Variants in KIF5C observed in about 807,000 individuals in gnomAD.
The protein encoded by KIF5C is kinesin heavy chain isoform 5C.
In KIF5C, 18 loss-of-function variants were observed where a neutral mutation model predicts 125.2. The observed-to-expected ratio is 0.14, with a 90% CI of 0.10 to 0.21. KIF5C has a LOEUF of 0.21. Among genes scored for constraint, KIF5C ranks in the 10% least tolerant of loss-of-function variants. The pLI, the probability that KIF5C is intolerant of heterozygous loss-of-function variation, is 1.00. For synonymous variants in KIF5C, 405 were observed against 434.0 expected (o/e 0.93, Z 0.83); for missense variants, 780 against 1,183.8 (o/e 0.66, Z 5.01).
At chr2:148,976,830 C>G (rs1574806132) in intron 12 of KIF5C, among the ~76,000 whole-genome samples, 1 of 152,184 alleles carries the variant, frequency 6.6e-6, no homozygotes, top group Middle Eastern at 3.4e-3. Context: ...ATCAAGCTGC[C>G]TTGGCCTCCC....
At position 148,949,841 on chromosome 2, in the gene KIF5C, C is replaced by T; in HGVS notation, c.717C>T (p.Val239=). The change falls in exon 9 of 26, where the codon GTC becomes GTT. Residue 239 remains valine (V), a splice_region_variant and synonymous_variant. Coordinates refer to ENST00000435030, the MANE Select transcript of KIF5C (RefSeq NM_004522.3). ...CTGCTTTCTTTTCTCTCTGGTAGGT[C>T]AGCAAAACTGGTGCCGAGGGAGCTG... The part of the protein sequence containing the change: ...YLVDLAGSEK[V]SKTGAEGAVL... The T allele has an allele frequency of 1.2e-6, 2 of 1,613,582 alleles. No homozygotes were observed. Among genetic ancestry groups the T allele is most frequent in the Non-Finnish European group, 1.7e-6 (2 of 1,179,736 alleles).
rs1681205567 is a variant in KIF5C, at chr2:148,876,766, T to C, written c.126+1023T>C. ...CCTTCCCCGCCCGCTGTCCGTAGCG[T>C]GTGTGGCTGATGGTGCCCCCTTTGT... On this transcript the variant is annotated intron_variant, in intron 1 of 25. Transcript: ENST00000435030. The surrounding 1 kb of genome is among the most constrained non-coding windows in gnomAD (Gnocchi z 4.7). 1.3e-5 allele frequency among the ~76,000 whole-genome samples: 2 copies of C among 152,038 alleles called. No homozygotes were observed. The highest frequency in any genetic ancestry group is 6.5e-5 in the Admixed American group (1 of 15,286).
chr2:148,942,003 T>C lies in KIF5C; in HGVS notation c.501+13T>C, dbSNP rs1682417665. 7.5e-6 allele frequency: 12 copies of C among 1,608,508 alleles called. No individual in the cohort carries two copies. Among genetic ancestry groups the C allele is most frequent in the South Asian group, 1.1e-5 (1 of 88,606 alleles). ...CCCGTATGTAAAGGTATGAGGAAGATTTGATTGGTGATGCAATTAATTTCT... is the reference window on the plus strand; with the variant it reads ...CCCGTATGTAAAGGTATGAGGAAGACTTGATTGGTGATGCAATTAATTTCT... On this transcript the variant is annotated intron_variant, in intron 6 of 25. Coordinates refer to ENST00000435030, the MANE Select transcript of KIF5C (RefSeq NM_004522.3).
At chr2:148,895,035 A>C (rs2105050030) in intron 1 of KIF5C, among the ~76,000 whole-genome samples, 1 of 151,774 alleles carries the variant, frequency 6.6e-6, no homozygotes, top group East Asian at 1.9e-4. Context: ...GAGATGTTCT[A>C]AAGAAATTAA....
intron 10 of KIF5C, among the ~76,000 whole-genome samples, chr2:148,954,545 G>A (rs903148868): frequency 1.3e-5 from 2 of 152,124 alleles, no homozygotes; most frequent in Non-Finnish European, 2.9e-5. Context: ...GGCCCTCTGA[G>A]GGGGCAGACC....
chr2:148,916,727 A>T (rs1681568211), intron 1 of KIF5C, among the ~76,000 whole-genome samples: 2 of 152,084 alleles, frequency 1.3e-5, no homozygotes, highest in Admixed American at 1.3e-4. Flanking sequence ...ATTTGAAAAT[A>T]ATTTGGAATT....
At chr2:148,999,669 G>C (rs925127246) in intron 19 of KIF5C, among the ~76,000 whole-genome samples, 1 of 152,220 alleles carries the variant, frequency 6.6e-6, no homozygotes, top group Non-Finnish European at 1.5e-5. Context: ...TGGAAGGGAG[G>C]GGGAGGTTGG....
intron 15 of KIF5C, among the ~76,000 whole-genome samples, chr2:148,987,455 G>A (rs1476945901): frequency 2.0e-5 from 3 of 152,298 alleles, no homozygotes; most frequent in African/African-American, 7.2e-5. Context: ...AATTGCAAAA[G>A]AGAGGGGCAG....
intron 18 of KIF5C, 144 bp from the exon 19 acceptor site, chr2:148,998,256 G>C: frequency 7.4e-7 from 1 of 1,355,940 alleles, no homozygotes. Context: ...GGTCCTGGGG[G>C]CAAAACAGCC....
Position 149,015,050 on chromosome 2 carries a change from G to A in KIF5C, c.*7+3367G>A, listed in dbSNP as rs183863494. Among the ~76,000 whole-genome samples the A allele has an allele frequency of 1.2e-3, 181 of 152,212 alleles. 1 individual carries two copies. The highest frequency in any genetic ancestry group is 3.4e-3 in the Middle Eastern group (1 of 294). ...CTAAAAATAGAAAAATTAGCTGGGC[G>A]TAGACATGCACACCTGTAACCCTAG... is the stretch of plus-strand genomic sequence containing the variant. On this transcript the variant is annotated intron_variant, in intron 25 of 25. Transcript: ENST00000435030.
At chr2:148,949,504 T>G (rs1175534653) in intron 8 of KIF5C, among the ~76,000 whole-genome samples, 3 of 152,150 alleles carry the variant, frequency 2.0e-5, no homozygotes, top group African/African-American at 7.2e-5. Context: ...GGACTGCGGC[T>G]CAGTCTCCCA....
intron 1 of KIF5C, among the ~76,000 whole-genome samples, chr2:148,893,184 T>A (rs1478844738): frequency 6.6e-6 from 1 of 152,246 alleles, no homozygotes; most frequent in Non-Finnish European, 1.5e-5. Context: ...TGGCTCTTGC[T>A]TGAATTGCAG....
In KIF5C at chr2:149,009,233, G is replaced by A. The variant is rs184391116; in HGVS notation, c.2551-902G>A. ...TCTTGAACCACTGACCTCGTGATCC[G>A]CCCACCTTGACCTCCCAAAGTGCTG... On this transcript the variant is annotated intron_variant, in intron 23 of 25. Transcript: ENST00000435030. 7.9e-5 allele frequency among the ~76,000 whole-genome samples: 12 copies of A among 151,892 alleles called. No homozygotes were observed. The East Asian group carries it at 1.4e-3, about 17-fold the overall frequency.
At chr2:148,971,300 C>T (rs927693168) in intron 11 of KIF5C, among the ~76,000 whole-genome samples, 1 of 135,246 alleles carries the variant, frequency 7.4e-6, no homozygotes, top group East Asian at 1.9e-4. Context: ...GTCTATCTAT[C>T]TATCTATCTA....
intron 1 of KIF5C, among the ~76,000 whole-genome samples, chr2:148,915,959 A>T (rs1681531640): frequency 6.6e-6 from 1 of 152,180 alleles, no homozygotes; most frequent in African/African-American, 2.4e-5. Flanking sequence ...CCCAACTCTT[A>T]ATAGCCATTG....
intron 1 of KIF5C, among the ~76,000 whole-genome samples, chr2:148,917,134 T>G (rs560212906): frequency 6.6e-6 from 1 of 152,224 alleles, no homozygotes; most frequent in Non-Finnish European, 1.5e-5. Context: ...CTCTGCTTTT[T>G]TTAATTTTTT....
At position 149,000,428 on chromosome 2, in the gene KIF5C, A is replaced by G; in HGVS notation, c.2216A>G (p.Asn739Ser). ...QKIIDEIRDL[N>S]QKLQLEQEKL... ...CTTTTTCCTCTCAATTTCAGTTTGAATCAGAAACTGCAACTGGAACAGGAG... is the reference window on the plus strand; with the variant it reads ...CTTTTTCCTCTCAATTTCAGTTTGAGTCAGAAACTGCAACTGGAACAGGAG... Residue 739 changes from asparagine (N) to serine (S), a missense_variant, in exon 20 of 26, where the codon AAT becomes AGT. By Grantham distance (46) the Asn-to-Ser change is conservative (BLOSUM62 1). Transcript: ENST00000435030. 6.3e-7 allele frequency: 1 copy of G among 1,580,130 alleles called. No homozygotes were observed. The highest frequency in any genetic ancestry group is 8.6e-7 in the Non-Finnish European group (1 of 1,159,146).
In KIF5C at chr2:148,876,919, C is replaced by G. The variant is rs1254183463; in HGVS notation, c.126+1176C>G. Reference sequence around the variant, plus strand: ...CCCAGCATTGATTAAGTGATGTCATCCTGATCACTGAGCATGCTCCGACTA... The same window carrying G: ...CCCAGCATTGATTAAGTGATGTCATGCTGATCACTGAGCATGCTCCGACTA... On this transcript the variant is annotated intron_variant, in intron 1 of 25. Coordinates refer to ENST00000435030, the MANE Select transcript of KIF5C (RefSeq NM_004522.3). The surrounding 1 kb of genome is among the most constrained non-coding windows in gnomAD (Gnocchi z 4.7). 6.6e-6 allele frequency among the ~76,000 whole-genome samples: 1 copy of G among 152,166 alleles called. No homozygotes were observed. The highest frequency in any genetic ancestry group is 2.4e-5 in the African/African-American group (1 of 41,434).
chr2:148,996,602 C>A (rs1558939096), intron 17 of KIF5C, among the ~76,000 whole-genome samples: 3 of 152,328 alleles, frequency 2.0e-5, no homozygotes, highest in African/African-American at 7.2e-5. Flanking sequence ...GCTGGGGCTG[C>A]CCATTGCACC....
Sources: gnomAD v4.1 joint callset for allele counts (sites outside exome capture counted in the v4.1 genomes callset) on GRCh38, gnomAD v4.1.1 for gene constraint, Gnocchi (gnomAD v3.1) non-coding constraint, MANE v1.5 for transcripts, NCBI Gene and HGNC (gene_info 2026-07-23, HGNC 2026-07-21) for gene names.